EDA: variants seen among roughly 807,000 people sequenced by gnomAD.
The protein encoded by EDA is ectodysplasin-A.
A neutral mutation model predicts 23.6 loss-of-function variants in EDA; 2 were observed. The ratio of observed to expected loss-of-function variants is 0.08; its 90% CI spans 0.03 to 0.27. The LOEUF (loss-of-function observed/expected upper bound fraction) is 0.27, where lower values mean the gene tolerates loss of function less well. Ranked by LOEUF, EDA falls within the 10% of genes least tolerant of loss-of-function variation. The pLI is 1.00. For synonymous variants in EDA, 131 were observed against 132.0 expected, an observed-to-expected ratio of 0.99 and a Z score of 0.05; for missense variants, 229 against 324.2, an observed-to-expected ratio of 0.71 and a Z score of 2.26.
chrX:69,879,222 C>T (rs2017702220), intron 1 of EDA, among the ~76,000 whole-genome samples: 1 of 110,980 alleles, frequency 9.0e-6, no homozygotes, highest in Non-Finnish European at 1.9e-5. Context: ...CTGATCCTTG[C>T]ATTTGCAACT....
chrX:69,883,626 G>T (rs1387280264), intron 1 of EDA, among the ~76,000 whole-genome samples: 2 of 111,525 alleles, frequency 1.8e-5, no homozygotes, highest in Non-Finnish European at 3.8e-5. Context: ...AATCTAATTG[G>T]GATTTCTTTG....
intron 1 of EDA, among the ~76,000 whole-genome samples, chrX:69,902,585 A>T (rs1363624846): frequency 8.9e-6 from 1 of 112,009 alleles, no homozygotes; most frequent in Non-Finnish European, 1.9e-5. Flanking sequence ...CTTTTCCTCT[A>T]AAGCTATAAC....
At chrX:69,723,611 T>C (rs767513826) in intron 1 of EDA, among the ~76,000 whole-genome samples, 1 of 112,184 alleles carries the variant, frequency 8.9e-6, no homozygotes, top group Non-Finnish European at 1.9e-5. Context: ...CTAACTAACC[T>C]AATTCTTCCA....
rs1260316859 is a variant in EDA at position 69,749,931 on chromosome X, T to C, written c.396+133227T>C. On this transcript the variant is annotated intron_variant, in intron 1 of 7. Coordinates refer to ENST00000374552, the MANE Select transcript of EDA (RefSeq NM_001399.5). ...TCCTCTCACTAAGGTTCTTTTTTTT[T>C]TTTTTTTTTTTTTTTTTTGGTTGGG... Among the ~76,000 whole-genome samples the C allele has an allele frequency of 1.9e-4, 19 of 100,951 alleles. 1 individual carries two copies. The East Asian group carries it at 3.1e-3, about 17-fold the overall frequency. The allele number at this position is 100,951 out of a possible 115,157, so 87.7% of individuals were successfully genotyped here.
intron 2 of EDA, among the ~76,000 whole-genome samples, chrX:70,021,588 C>T (rs745780662): frequency 2.7e-5 from 3 of 110,541 alleles, no homozygotes; most frequent in Admixed American, 9.7e-5. Flanking sequence ...TTCAAGAACT[C>T]GCAATGCTGT....
chrX:70,030,917 A>G, intron 6 of EDA, among the ~76,000 whole-genome samples: 1 of 112,483 alleles, frequency 8.9e-6, no homozygotes, highest in South Asian at 3.7e-4. Context: ...GTGGGCAGAC[A>G]GGCTGCATCT....
At chrX:69,714,752 A>C (rs969612216) in intron 1 of EDA, among the ~76,000 whole-genome samples, 2 of 110,950 alleles carry the variant, frequency 1.8e-5, no homozygotes, top group African/African-American at 6.5e-5. Flanking sequence ...CTGTATGTCT[A>C]CCCTCCACTA....
intron 1 of EDA, among the ~76,000 whole-genome samples, chrX:69,675,173 G>A (rs1178776686): frequency 9.0e-6 from 1 of 110,799 alleles, no homozygotes; most frequent in East Asian, 2.8e-4. Context: ...TAGAGATGAG[G>A]TGTTGCTGTA....
intron 6 of EDA, 135 bp from the exon 7 acceptor site, chrX:70,033,263 T>C: frequency 3.6e-6 from 3 of 829,694 alleles, no homozygotes; most frequent in South Asian, 2.1e-5. Context: ...CAAATGCTCT[T>C]CTTAAAGTTT....
chrX:69,964,443 G>C (rs909291869), intron 2 of EDA, among the ~76,000 whole-genome samples: 1 of 111,688 alleles, frequency 9.0e-6, no homozygotes, highest in Non-Finnish European at 1.9e-5. Flanking sequence ...TGAACTACTA[G>C]AATAGATGGT....
Position 69,957,084 on chromosome X carries a change from A to C in EDA, c.454A>C (p.Arg152=). The C allele has an allele frequency of 8.3e-7, 1 of 1,212,067 alleles. No individual in the cohort carries two copies. Among genetic ancestry groups the C allele is most frequent in the Non-Finnish European group, 1.1e-6 (1 of 895,451 alleles). Residue 152 remains arginine (R), a synonymous_variant, in exon 2 of 8, where the codon AGG becomes CGG. Coordinates refer to ENST00000374552, the MANE Select transcript of EDA (RefSeq NM_001399.5). ...AAAGCCATACTCTGAAGAAGAAAGTAGGCGTGTTCGCCGCAATAAAAGAAG... is the reference window on the plus strand; with the variant it reads ...AAAGCCATACTCTGAAGAAGAAAGTCGGCGTGTTCGCCGCAATAAAAGAAG... ...DEKPYSEEES[R]RVRRNKRSKS...
At chrX:69,770,312 G>A (rs2014591122) in intron 1 of EDA, among the ~76,000 whole-genome samples, 1 of 112,076 alleles carries the variant, frequency 8.9e-6, no homozygotes, top group African/African-American at 3.2e-5. Flanking sequence ...AAACTGCCAA[G>A]TTGTTATCCA....
chrX:70,030,289 A>G (rs754480038), intron 5 of EDA, among the ~76,000 whole-genome samples, 180 bp from the exon 6 acceptor site: 3 of 112,270 alleles, frequency 2.7e-5, no homozygotes, highest in East Asian at 2.8e-4. Context: ...GAAGCGGTAG[A>G]GCTACAAAAT....
intron 1 of EDA, among the ~76,000 whole-genome samples, chrX:69,810,448 C>T (rs1398411668): frequency 4.7e-5 from 5 of 106,697 alleles, no homozygotes; most frequent in African/African-American, 1.0e-4. Flanking sequence ...GTGATTGTTG[C>T]TCTATTGGGT....
At chrX:69,851,800 A>T in intron 1 of EDA, among the ~76,000 whole-genome samples, 1 of 111,735 alleles carries the variant, frequency 8.9e-6, no homozygotes, top group Non-Finnish European at 1.9e-5. Flanking sequence ...CATCCCTATC[A>T]TCTGGAAACT....
intron 1 of EDA, among the ~76,000 whole-genome samples, chrX:69,798,302 C>A (rs1443761161): frequency 9.0e-6 from 1 of 111,461 alleles, no homozygotes; most frequent in Non-Finnish European, 1.9e-5. Context: ...AAACTGAACT[C>A]TAGACCAAAT....
At chrX:69,712,351 T>A (rs2012093789) in intron 1 of EDA, among the ~76,000 whole-genome samples, 1 of 111,846 alleles carries the variant, frequency 8.9e-6, no homozygotes, top group Admixed American at 9.5e-5. Flanking sequence ...CAGTTCATAT[T>A]TGTCTCTTGA....
At chrX:69,679,878 G>C (rs867338989) in intron 1 of EDA, among the ~76,000 whole-genome samples, 5 of 106,613 alleles carry the variant, frequency 4.7e-5, no homozygotes, top group Non-Finnish European at 1.9e-5. Context: ...GAATGTGTTT[G>C]CTCTTGCTTT....
At chrX:69,962,884 A>C (rs1420682234) in intron 2 of EDA, among the ~76,000 whole-genome samples, 1 of 111,804 alleles carries the variant, frequency 8.9e-6, no homozygotes, top group African/African-American at 3.3e-5. Flanking sequence ...CTATCAGCCA[A>C]ATTGCCCATT....
Sources: gnomAD v4.1 joint callset for allele counts (sites outside exome capture counted in the v4.1 genomes callset) on GRCh38, gnomAD v4.1.1 for gene constraint, MANE v1.5 for transcripts, NCBI Gene and HGNC (gene_info 2026-07-23, HGNC 2026-07-21) for gene names.